The following CCSER2 variants were observed in gnomAD, a reference collection of about 807,000 sequenced individuals.
CCSER2 encodes the protein serine-rich coiled-coil domain-containing protein 2.
In CCSER2, 46 loss-of-function variants were observed where a neutral mutation model predicts 92.3. That is an observed-to-expected ratio of 0.50 (90% CI 0.39 to 0.64). The LOEUF is 0.64. Ranked by LOEUF, CCSER2 falls within the 30% of genes least tolerant of loss-of-function variation. The probability of loss-of-function intolerance (pLI) is 0.00; values close to 1 mark genes in which losing one functional copy is unlikely to be tolerated. For missense variants in CCSER2, 1,244 were observed against 1,238.9 expected (o/e 1.00, Z -0.06); for synonymous variants, 433 against 431.4 (o/e 1.00, Z -0.04).
intron 6 of CCSER2, among the ~76,000 whole-genome samples, chr10:84,452,842 C>A (rs1416005542): frequency 6.6e-6 from 1 of 152,080 alleles, no homozygotes; most frequent in African/African-American, 2.4e-5. Flanking sequence ...CCCCCTCCCC[C>A]CACCAAATGT....
intron 3 of CCSER2, among the ~76,000 whole-genome samples, chr10:84,416,025 GC>G (rs1295247190): frequency 6.6e-6 from 1 of 152,188 alleles, no homozygotes; most frequent in African/African-American, 2.4e-5. Context: ...CTGTGTGTGT[GC>G]CCAAGCTGCT....
At chr10:84,448,490 T>G (rs991230602) in intron 6 of CCSER2, among the ~76,000 whole-genome samples, 2 of 152,134 alleles carry the variant, frequency 1.3e-5, no homozygotes, top group African/African-American at 4.8e-5. Flanking sequence ...TGCTGGGCTT[T>G]TGGGGTGGAA....
intron 5 of CCSER2, among the ~76,000 whole-genome samples, chr10:84,429,468 T>C (rs1173421056): frequency 6.6e-6 from 1 of 152,138 alleles, no homozygotes; most frequent in Non-Finnish European, 1.5e-5. Context: ...TCTTTTATTT[T>C]GAAGGATAGT....
intron 7 of CCSER2, among the ~76,000 whole-genome samples, chr10:84,468,459 A>G (rs1459291049): frequency 6.6e-6 from 1 of 152,244 alleles, no homozygotes; most frequent in African/African-American, 2.4e-5. Context: ...GTACAATGTT[A>G]TCTGTCAATT....
chr10:84,460,602 AT>A (rs1013795236), intron 6 of CCSER2, among the ~76,000 whole-genome samples: 267 of 142,098 alleles, frequency 1.9e-3, no homozygotes, highest in Admixed American at 2.4e-3. Flanking sequence ...CTGGCCTCAG[AT>A]TTTTTTTTTT....
At chr10:84,398,896 A>C (rs1469652391) in intron 3 of CCSER2, among the ~76,000 whole-genome samples, 1 of 152,122 alleles carries the variant, frequency 6.6e-6, no homozygotes, top group African/African-American at 2.4e-5. Context: ...ATTTTAAGGA[A>C]GTTTCTTCTG....
chr10:84,346,385 G>T (rs1196403792), intron 1 of CCSER2, among the ~76,000 whole-genome samples: 1 of 149,394 alleles, frequency 6.7e-6, no homozygotes, highest in South Asian at 2.1e-4. Context: ...TAATCTTTAG[G>T]AATTAAAAAA....
At chr10:84,470,013 A>ATTT (rs67106487) in intron 7 of CCSER2, among the ~76,000 whole-genome samples, 2 of 96,522 alleles carry the variant, frequency 2.1e-5, no homozygotes, top group Non-Finnish European at 4.3e-5. Context: ...TTTGTATGTG[A>ATTT]TTTTTTTTTT....
At chr10:84,377,127 T>A (rs959063955) in intron 3 of CCSER2, among the ~76,000 whole-genome samples, 1 of 152,146 alleles carries the variant, frequency 6.6e-6, no homozygotes, top group East Asian at 1.9e-4. Context: ...GTAGAGTGTA[T>A]TCTTTACTGT....
intron 6 of CCSER2, among the ~76,000 whole-genome samples, chr10:84,457,307 TTATA>T (rs1845748917): frequency 1.9e-5 from 1 of 53,600 alleles, no homozygotes; most frequent in Non-Finnish European, 3.4e-5. Context: ...ATATAATATG[TTATA>T]TATAATATAT....
chr10:84,413,939 G>C (rs1001539147), intron 3 of CCSER2, among the ~76,000 whole-genome samples: 20 of 152,138 alleles, frequency 1.3e-4, no homozygotes, highest in Admixed American at 5.2e-4. Context: ...TTGGTTTAAA[G>C]TCTATTTTGT....
At chr10:84,491,531 C>T (rs1283675324) in intron 9 of CCSER2, among the ~76,000 whole-genome samples, 1 of 152,172 alleles carries the variant, frequency 6.6e-6, no homozygotes, top group Non-Finnish European at 1.5e-5. Flanking sequence ...GCGTGGGACC[C>T]TCCGAGCCAG....
At chr10:84,485,102 TAAG>T (rs982706898) in intron 9 of CCSER2, among the ~76,000 whole-genome samples, 4 of 152,216 alleles carry the variant, frequency 2.6e-5, no homozygotes, top group Non-Finnish European at 4.4e-5. Flanking sequence ...AAAAGAGTGA[TAAG>T]AAGTTGCAAA....
rs879479939 is a variant in CCSER2 at position 84,335,226 on chromosome 10, C to CTTTTTT, written c.-40+6419_-40+6420insTTTTTT. Among the ~76,000 whole-genome samples the CTTTTTT allele has an allele frequency of 4.0e-3, 377 of 94,948 alleles. 14 individuals carry two copies. Among genetic ancestry groups the CTTTTTT allele is most frequent in the Admixed American group, 0.012 (97 of 7,808 alleles). The allele number at this position is 94,948 out of a possible 152,430, so 62.3% of individuals were successfully genotyped here. ...TCCCCAGCATTCTACTTCTCTCTCT[C>CTTTTTT]TCTTTTTTTTTTTTTTTTTTTTTTT... is the stretch of plus-strand genomic sequence containing the variant. On this transcript the variant is annotated intron_variant, in intron 1 of 9. Transcript: ENST00000372088.
chr10:84,499,082 G>A (rs1465306142), intron 9 of CCSER2, among the ~76,000 whole-genome samples: 1 of 152,088 alleles, frequency 6.6e-6, no homozygotes, highest in Non-Finnish European at 1.5e-5. Flanking sequence ...GCTAACTTTA[G>A]CTAATGTTCT....
rs541687029 is a variant in CCSER2 at position 84,365,535 on chromosome 10, AATT to A, written c.-39-5475_-39-5473del. Among the ~76,000 whole-genome samples, 14 of 152,310 alleles carry A rather than the reference AATT, an allele frequency of 9.2e-5. No homozygotes were observed. The East Asian group carries it at 2.5e-3, about 27-fold the overall frequency. ...AGATGATTGATGTGATTTGTGTTGCAATTATTTGTACATTTAGAAATCGTTATT... is the reference window on the plus strand; with the variant it reads ...AGATGATTGATGTGATTTGTGTTGCAATTTGTACATTTAGAAATCGTTATT... On this transcript the variant is annotated intron_variant, in intron 1 of 9. Transcript: ENST00000372088.
chr10:84,457,616 T>C (rs1255861373), intron 6 of CCSER2, among the ~76,000 whole-genome samples: 2 of 90,008 alleles, frequency 2.2e-5, no homozygotes, highest in Non-Finnish European at 4.4e-5. Context: ...TTATATATAA[T>C]TATATATTTA....
At chr10:84,459,004 C>G (rs1564687776) in intron 6 of CCSER2, among the ~76,000 whole-genome samples, 1 of 151,672 alleles carries the variant, frequency 6.6e-6, no homozygotes, top group Non-Finnish European at 1.5e-5. Flanking sequence ...TGTACTAGTT[C>G]TAGTAGTTTT....
intron 9 of CCSER2, among the ~76,000 whole-genome samples, chr10:84,503,184 A>C (rs1459912699): frequency 1.3e-5 from 2 of 152,098 alleles, no homozygotes; most frequent in African/African-American, 4.8e-5. Flanking sequence ...GCCAGATCGC[A>C]CCACTGTACT....
Sources: gnomAD v4.1 joint callset for allele counts (sites outside exome capture counted in the v4.1 genomes callset) on GRCh38, gnomAD v4.1.1 for gene constraint, MANE v1.5 for transcripts, NCBI Gene and HGNC (gene_info 2026-07-23, HGNC 2026-07-21) for gene names.